Variants in TMEM131L observed in about 807,000 individuals in gnomAD.
The protein encoded by TMEM131L is transmembrane 131 like.
A neutral mutation model predicts 192.2 loss-of-function variants in TMEM131L; 54 were observed. That is an observed-to-expected ratio of 0.28 (90% CI 0.23 to 0.35). The LOEUF (loss-of-function observed/expected upper bound fraction) is 0.35, where lower values mean the gene tolerates loss of function less well. TMEM131L is among the 10% of genes least tolerant of loss of function. TMEM131L has a pLI of 1.00. For synonymous variants in TMEM131L, 701 were observed against 704.9 expected, an observed-to-expected ratio of 0.99 and a Z score of 0.09; for missense variants, 1,888 against 1,972.9, an observed-to-expected ratio of 0.96 and a Z score of 0.82.
Position 153,604,420 on chromosome 4 carries a change from G to C in TMEM131L, c.3408G>C (p.Arg1136Ser), listed in dbSNP as rs1249505209. 1 of 1,596,324 alleles carries C rather than the reference G, an allele frequency of 6.3e-7. No individual in the cohort carries two copies. Among genetic ancestry groups the C allele is most frequent in the East Asian group, 2.2e-5 (1 of 44,734 alleles). The stretch of plus-strand genomic sequence containing the variant: ...AGCCAGACTTGCCAGAAATTTCCAG[G>C]AAAAATAATGGTAATCTTTTCATCC... ...YHQPDLPEISRKNNGNNQQVP... is the reference protein window; with the variant it reads ...YHQPDLPEISSKNNGNNQQVP... The change falls in exon 25 of 35, where the codon AGG (arginine) becomes AGC (serine). Residue 1136 changes from arginine to serine, a missense_variant. Transcript: ENST00000409959.
chr4:153,621,194 A>G (rs1733375828), intron 27 of TMEM131L, among the ~76,000 whole-genome samples: 1 of 152,194 alleles, frequency 6.6e-6, no homozygotes. Context: ...TATGAGAGGC[A>G]GGGGCATTTG....
intron 7 of TMEM131L, among the ~76,000 whole-genome samples, chr4:153,572,173 T>C (rs1729633707): frequency 6.6e-6 from 1 of 152,202 alleles, no homozygotes; most frequent in African/African-American, 2.4e-5. Context: ...CAGACATTTA[T>C]CATTTCATTA....
At chr4:153,507,081 G>T (rs996978322) in intron 3 of TMEM131L, among the ~76,000 whole-genome samples, 6 of 152,118 alleles carry the variant, frequency 3.9e-5, no homozygotes, top group African/African-American at 1.2e-4. Context: ...TGGAAGGGAG[G>T]GGGCAGAAGC....
chr4:153,524,153 CT>C lies in TMEM131L; in HGVS notation c.240-25919del, dbSNP rs1735315119. On this transcript the variant is annotated intron_variant, in intron 3 of 34. Coordinates refer to ENST00000409959, the MANE Select transcript of TMEM131L (RefSeq NM_001131007.2). ...TCTGTTTTTTTTTTTTTTTTTTTTC[CT>C]GTCTTAGCTGCAAAGTCTAGTGGGG... is the stretch of plus-strand genomic sequence containing the variant. Among the ~76,000 whole-genome samples, 10 of 113,348 alleles carry C rather than the reference CT, an allele frequency of 8.8e-5. No individual in the cohort carries two copies. In the South Asian group the frequency reaches 2.6e-3, roughly 30 times the overall value. The allele number at this position is 113,348 out of a possible 152,430, so 74.4% of individuals were successfully genotyped here.
chr4:153,581,654 AG>A, intron 9 of TMEM131L, 94 bp downstream of exon 9: 1 of 795,856 alleles, frequency 1.3e-6, no homozygotes, highest in Non-Finnish European at 1.8e-6. Context: ...TAGCAAACCA[AG>A]ACAAATAGCC....
At chr4:153,519,560 G>A (rs1336419604) in intron 3 of TMEM131L, among the ~76,000 whole-genome samples, 2 of 152,168 alleles carry the variant, frequency 1.3e-5, no homozygotes, top group African/African-American at 2.4e-5. Flanking sequence ...ATCACATATA[G>A]AATGTGGAGA....
chr4:153,558,682 G>A (rs185382647), intron 7 of TMEM131L: 40 of 163,702 alleles, frequency 2.4e-4, no homozygotes, highest in Admixed American at 1.7e-3. Context: ...TTTCCTTGGG[G>A]CATGTTTCAT....
chr4:153,523,865 A>G (rs1364342037), intron 3 of TMEM131L, among the ~76,000 whole-genome samples: 4 of 152,186 alleles, frequency 2.6e-5, no homozygotes, highest in African/African-American at 9.7e-5. Context: ...TTTGTACCCC[A>G]TACTCAGGGT....
intron 9 of TMEM131L, among the ~76,000 whole-genome samples, chr4:153,582,934 C>T (rs1024536980): frequency 6.6e-6 from 1 of 151,602 alleles, no homozygotes; most frequent in Non-Finnish European, 1.5e-5. Context: ...AATTTTGCTC[C>T]TGGTAGTTCC....
intron 25 of TMEM131L, among the ~76,000 whole-genome samples, chr4:153,606,321 C>T (rs1016138445): frequency 1.3e-4 from 20 of 152,178 alleles, no homozygotes; most frequent in African/African-American, 4.6e-4. Context: ...AGGGAATCCT[C>T]CCTCCAGAAG....
Position 153,621,785 on chromosome 4 carries a change from T to G in TMEM131L, c.3795T>G (p.Thr1265=). 2 of 1,614,126 alleles carry G rather than the reference T, an allele frequency of 1.2e-6. No homozygotes were observed. Among genetic ancestry groups the G allele is most frequent in the Admixed American group, 1.7e-5 (1 of 60,026 alleles). ...GAAGCTGGTGTATACAGGAAAGCAC[T>G]AGGGAGGTTTGTAAAGCAGATGCCG... is the stretch of plus-strand genomic sequence containing the variant. ...NVRSWCIQES[T]REVCKADAEI... is the part of the protein sequence containing the mutation. The change falls in exon 28 of 35, where the codon ACT becomes ACG. Residue 1265 remains threonine (T), a synonymous_variant. Transcript: ENST00000409959.
chr4:153,617,297 C>A (rs1345131589), intron 26 of TMEM131L, among the ~76,000 whole-genome samples: 1 of 152,184 alleles, frequency 6.6e-6, no homozygotes, highest in African/African-American at 2.4e-5. Flanking sequence ...TCCAGTAAAC[C>A]TCTTTCTTTT....
intron 7 of TMEM131L, 23 bp from the exon 8 acceptor site, chr4:153,580,803 T>G: frequency 6.7e-7 from 1 of 1,498,542 alleles, no homozygotes; most frequent in South Asian, 1.1e-5. Context: ...TAAAGTTCTT[T>G]TCCTCCTTTT....
chr4:153,586,391 A>G lies in TMEM131L; in HGVS notation c.1482+12A>G. On this transcript the variant is annotated intron_variant, in intron 14 of 34. Transcript: ENST00000409959. ...CAGCACCAACCAAGGTATTTTCTAC[A>G]ATACTATATGTGTGTTACAGTTTTC... The G allele has an allele frequency of 6.3e-7, 1 of 1,577,910 alleles. No homozygotes were observed. The highest frequency in any genetic ancestry group is 8.6e-7 in the Non-Finnish European group (1 of 1,161,876).
intron 4 of TMEM131L, among the ~76,000 whole-genome samples, chr4:153,553,075 T>C (rs1312212050): frequency 1.3e-5 from 2 of 152,206 alleles, no homozygotes; most frequent in African/African-American, 2.4e-5. Context: ...AGTCGCATGC[T>C]GAGAGAATGC....
chr4:153,554,258 A>G (rs1322057966), intron 4 of TMEM131L: 1 of 152,210 alleles, frequency 6.6e-6, no homozygotes, highest in Non-Finnish European at 1.5e-5. Flanking sequence ...GTGACCCTTT[A>G]TGTGTATGGT....
In TMEM131L at chr4:153,557,039, C is replaced by G; in HGVS notation, c.506C>G (p.Ser169Cys). Residue 169 changes from serine to cysteine, a missense_variant, in exon 6 of 35, where the codon TCC (serine) becomes TGC (cysteine). Physicochemically the swap from Ser to Cys is moderately radical, Grantham distance 112. Coordinates refer to ENST00000409959, the MANE Select transcript of TMEM131L (RefSeq NM_001131007.2). The part of the protein sequence containing the change: ...LPTEEGSIES[S>C]LFINTSSYGV... ...ACTGAAGAAGGAAGCATTGAAAGTT[C>G]CTTATTTATTAATACCTCTTCGTAT... The G allele has an allele frequency of 6.3e-7, 1 of 1,584,800 alleles. No homozygotes were observed. The highest frequency in any genetic ancestry group is 8.7e-7 in the Non-Finnish European group (1 of 1,155,044).
At chr4:153,540,846 A>C (rs1197110310) in intron 3 of TMEM131L, among the ~76,000 whole-genome samples, 1 of 152,194 alleles carries the variant, frequency 6.6e-6, no homozygotes, top group Non-Finnish European at 1.5e-5. Context: ...ATGATCAAAG[A>C]GGAAAAAGTC....
At chr4:153,590,376 C>T (rs1206795904) in intron 16 of TMEM131L, among the ~76,000 whole-genome samples, 3 of 152,224 alleles carry the variant, frequency 2.0e-5, no homozygotes, top group Admixed American at 6.5e-5. Flanking sequence ...TTCATCTCAT[C>T]AGGAAGTACG....
Sources: gnomAD v4.1 joint callset for allele counts (sites outside exome capture counted in the v4.1 genomes callset) on GRCh38, gnomAD v4.1.1 for gene constraint, MANE v1.5 for transcripts, NCBI Gene and HGNC (gene_info 2026-07-23, HGNC 2026-07-21) for gene names.